PCDH9: variants seen among roughly 807,000 people sequenced by gnomAD.
PCDH9 encodes the protein protocadherin-9.
Under a neutral mutation model 70.6 loss-of-function variants are expected in PCDH9, and 24 were observed. The ratio of observed to expected loss-of-function variants is 0.34; its 90% CI spans 0.25 to 0.48. The LOEUF is 0.48. Ranked by LOEUF, PCDH9 falls within the 20% of genes least tolerant of loss-of-function variation. The pLI, the probability that PCDH9 is intolerant of heterozygous loss-of-function variation, is 0.99. For synonymous variants in PCDH9, 562 were observed against 558.5 expected (o/e 1.01, Z -0.09); for missense variants, 1,281 against 1,503.6 (o/e 0.85, Z 2.45).
chr13:66,963,191 G>C (rs994698765), intron 2 of PCDH9, among the ~76,000 whole-genome samples: 1 of 152,170 alleles, frequency 6.6e-6, no homozygotes, highest in African/African-American at 2.4e-5. Context: ...ATGAAGTTTT[G>C]CTTGCCAACA....
chr13:66,831,992 G>A (rs1408815282), intron 3 of PCDH9, among the ~76,000 whole-genome samples: 1 of 152,064 alleles, frequency 6.6e-6, no homozygotes, highest in East Asian at 1.9e-4. Context: ...TACATTCTTT[G>A]TCTTTTCCTA....
chr13:66,723,596 T>C (rs572203708), intron 3 of PCDH9, among the ~76,000 whole-genome samples: 150 of 152,114 alleles, frequency 9.9e-4, no homozygotes, highest in Non-Finnish European at 1.8e-3. Context: ...TGGAACCAGA[T>C]GGCCTGAAGA....
At position 66,916,891 on chromosome 13, in the gene PCDH9, T is replaced by G. The variant is rs192565014; in HGVS notation, c.3037-13286A>C. Among the ~76,000 whole-genome samples the G allele has an allele frequency of 1.5e-3, 235 of 151,692 alleles. 1 individual carries two copies. Among genetic ancestry groups the G allele is most frequent in the African/African-American group, 5.4e-3 (225 of 41,500 alleles). On this transcript the variant is annotated intron_variant, in intron 2 of 4. Transcript: ENST00000377865. ...CTTAACGAAGGAAGGAAAACCCATA[T>G]GCACACATACACCTAATAAAGTGTG...
At chr13:66,561,117 G>A (rs970591426) in intron 4 of PCDH9, among the ~76,000 whole-genome samples, 1 of 152,232 alleles carries the variant, frequency 6.6e-6, no homozygotes, top group Non-Finnish European at 1.5e-5. Context: ...GAGCCAGCGC[G>A]AGTTCCGGGT....
At chr13:66,549,837 G>A (rs1961400159) in intron 4 of PCDH9, among the ~76,000 whole-genome samples, 1 of 152,018 alleles carries the variant, frequency 6.6e-6, no homozygotes, top group Admixed American at 6.6e-5. Flanking sequence ...TGGGCAAAAT[G>A]GCGAGACCCT....
chr13:66,361,197 T>C (rs1956465512), intron 4 of PCDH9, among the ~76,000 whole-genome samples: 1 of 151,830 alleles, frequency 6.6e-6, no homozygotes, highest in Admixed American at 6.6e-5. Flanking sequence ...ACAGGAAGAG[T>C]TGTGCACTAA....
At chr13:66,648,807 G>A (rs1341574530) in intron 3 of PCDH9, among the ~76,000 whole-genome samples, 2 of 152,032 alleles carry the variant, frequency 1.3e-5, no homozygotes, top group Non-Finnish European at 2.9e-5. Flanking sequence ...GCTATTTTTA[G>A]GAAAGTCAGT....
At position 66,969,081 on chromosome 13, in the gene PCDH9, T is replaced by C. The variant is rs190860564; in HGVS notation, c.3037-65476A>G. Among the ~76,000 whole-genome samples, 735 of 152,224 alleles carry C rather than the reference T, an allele frequency of 4.8e-3. 10 individuals are homozygous for C. Among genetic ancestry groups the C allele is most frequent in the African/African-American group, 0.017 (702 of 41,562 alleles). On this transcript the variant is annotated intron_variant, in intron 2 of 4. Transcript: ENST00000377865. Reference sequence around the variant, plus strand: ...CTGTCAAAAGCCATACTGGCATTGCTAATTTATTTCTTAGCATTTCAGTAA... The same window carrying C: ...CTGTCAAAAGCCATACTGGCATTGCCAATTTATTTCTTAGCATTTCAGTAA...
chr13:66,578,016 A>G lies in PCDH9; in HGVS notation c.3340+53194T>C, dbSNP rs1296403957. 2.0e-5 allele frequency among the ~76,000 whole-genome samples: 3 copies of G among 152,204 alleles called. No homozygotes were observed. In the South Asian group the frequency reaches 6.2e-4, roughly 32 times the overall value. ...GAAATCAAAATTAATATTTGTCTCT[A>G]TGTAAAATGTATACCATATATTTAT... On this transcript the variant is annotated intron_variant, in intron 4 of 4. Coordinates refer to ENST00000377865, the MANE Select transcript of PCDH9 (RefSeq NM_203487.3).
At chr13:67,114,409 C>T (rs1464671522) in intron 2 of PCDH9, among the ~76,000 whole-genome samples, 2 of 152,106 alleles carry the variant, frequency 1.3e-5, no homozygotes, top group African/African-American at 4.8e-5. Context: ...GTAGACAAAG[C>T]TCAAAGTTTC....
At chr13:66,502,159 A>C (rs1959180199) in intron 4 of PCDH9, among the ~76,000 whole-genome samples, 1 of 152,170 alleles carries the variant, frequency 6.6e-6, no homozygotes, top group Non-Finnish European at 1.5e-5. Flanking sequence ...GGTGAATTAA[A>C]TTTTAAATGT....
chr13:66,430,827 A>T (rs1158733574), intron 4 of PCDH9, among the ~76,000 whole-genome samples: 1 of 152,120 alleles, frequency 6.6e-6, no homozygotes, highest in Non-Finnish European at 1.5e-5. Flanking sequence ...GTAGAGGCAC[A>T]AAGGGTCTGT....
At chr13:66,875,283 T>G (rs530680257) in intron 3 of PCDH9, among the ~76,000 whole-genome samples, 2 of 152,274 alleles carry the variant, frequency 1.3e-5, no homozygotes, top group Admixed American at 6.5e-5. Context: ...TGTGTAAAAA[T>G]CTGGTTACAG....
intron 4 of PCDH9, among the ~76,000 whole-genome samples, chr13:66,408,902 G>C (rs387205): frequency 0.49 from 74,710 of 151,812 alleles, 18,429 homozygotes; most frequent in Middle Eastern, 0.55. Context: ...AGTCTGTACT[G>C]ACATATAAGG....
intron 2 of PCDH9, among the ~76,000 whole-genome samples, chr13:66,966,846 G>A (rs558860793): frequency 1.3e-5 from 2 of 152,040 alleles, no homozygotes; most frequent in Admixed American, 1.3e-4. Flanking sequence ...ATATGAAATA[G>A]AGAAGAAAAC....
chr13:66,582,038 C>G (rs1593722780), intron 4 of PCDH9, among the ~76,000 whole-genome samples: 1 of 152,076 alleles, frequency 6.6e-6, no homozygotes, highest in Non-Finnish European at 1.5e-5. Context: ...TTCATGATAT[C>G]ATTCTGGGTA....
chr13:66,636,526 C>T (rs1396091656), intron 3 of PCDH9, among the ~76,000 whole-genome samples: 2 of 151,944 alleles, frequency 1.3e-5, no homozygotes, highest in Admixed American at 6.6e-5. Context: ...TAATGACAGA[C>T]ATTTAAAATA....
Position 67,226,616 on chromosome 13 carries a change from G to A in PCDH9, c.1825C>T (p.Leu609Phe). The A allele has an allele frequency of 6.2e-7, 1 of 1,614,078 alleles. No individual in the cohort carries two copies. The change falls in exon 2 of 5, where the codon CTT becomes TTT. Residue 609 changes from leucine to phenylalanine, a missense_variant. By Grantham distance (22) the Leu-to-Phe change is conservative. Transcript: ENST00000377865. This position sits in a 1 kb window ranked among gnomAD's most constrained non-coding sequence, Gnocchi z 5.0. ...TTATCATTGTCATTTAGAATGGAAA[G>A]AGTCACAGCTTTATTCTCTCCAGCA... ...ADAGENKAVT[L>F]SILNDNDNFV...
Position 66,569,928 on chromosome 13 carries a change from A to C in PCDH9, c.3340+61282T>G, listed in dbSNP as rs2076709176. 4.6e-5 allele frequency among the ~76,000 whole-genome samples: 7 copies of C among 152,184 alleles called. 1 individual carries two copies. Among genetic ancestry groups the C allele is most frequent in the Admixed American group, 4.6e-4 (7 of 15,274 alleles). ...CCCTTGGTTATTTATCCAAGAAATAAAAATTTCTTTGATTTACATAAAAAT... is the reference window on the plus strand; with the variant it reads ...CCCTTGGTTATTTATCCAAGAAATACAAATTTCTTTGATTTACATAAAAAT... On this transcript the variant is annotated intron_variant, in intron 4 of 4. Coordinates refer to ENST00000377865, the MANE Select transcript of PCDH9 (RefSeq NM_203487.3).
Sources: allele counts gnomAD v4.1 joint callset (sites outside exome capture counted in the v4.1 genomes callset), GRCh38; gene constraint gnomAD v4.1.1; non-coding constraint Gnocchi (gnomAD v3.1); transcripts MANE v1.5; gene names NCBI Gene and HGNC (gene_info 2026-07-23, HGNC 2026-07-21).